The following ARHGAP23 variants were observed in gnomAD, a reference collection of about 807,000 sequenced individuals.
ARHGAP23 encodes rho GTPase-activating protein 23.
In ARHGAP23, 34 loss-of-function variants were observed where a neutral mutation model predicts 136.3. The ratio of observed to expected loss-of-function variants is 0.25; its 90% confidence interval spans 0.19 to 0.33. The LOEUF is 0.33. Among genes scored for constraint, ARHGAP23 ranks in the 10% least tolerant of loss-of-function variants. ARHGAP23 has a pLI of 1.00. For synonymous variants in ARHGAP23, 832 were observed against 920.5 expected (o/e 0.90, Z 1.74); for missense variants, 1,808 against 2,139.0 (o/e 0.85, Z 3.05).
chr17:38,442,828 T>C (rs1387967358), intron 1 of ARHGAP23, among the ~76,000 whole-genome samples: 2 of 152,138 alleles, frequency 1.3e-5, no homozygotes, highest in Admixed American at 1.3e-4. Flanking sequence ...GGCCTGGTGG[T>C]CATAATATTA....
At chr17:38,496,458 C>T (rs773934401) in intron 20 of ARHGAP23, among the ~76,000 whole-genome samples, 2 of 152,010 alleles carry the variant, frequency 1.3e-5, no homozygotes, top group African/African-American at 2.4e-5. Context: ...TGGATAACAG[C>T]GAGAGACCCT....
At chr17:38,501,660 G>T (rs534643413) in intron 23 of ARHGAP23, among the ~76,000 whole-genome samples, 1 of 151,916 alleles carries the variant, frequency 6.6e-6, no homozygotes, top group African/African-American at 2.4e-5. Context: ...CAATAACTTA[G>T]GTGAAATAGA....
rs866253771 is a variant in ARHGAP23, at chr17:38,510,357, G to T, written c.3861G>T (p.Thr1287=). 8.0e-7 allele frequency: 1 copy of T among 1,248,408 alleles called. No individual in the cohort carries two copies. The highest frequency in any genetic ancestry group is 1.0e-6 in the Non-Finnish European group (1 of 997,766). 77.3% of individuals were successfully genotyped at this position (1,248,408 alleles called of 1,614,324 possible). A position where few individuals can be genotyped will look rare whatever the true frequency, so the allele number is the denominator to read the frequency against. The part of the protein sequence containing the change: ...DERSELSHVE[T]DTEGAAGAGP... ...GTAGCGAGCTGAGCCACGTGGAGAC[G>T]GACACTGAGGGCGCGGCGGGCGCGG... The change falls in exon 24 of 24, where the codon ACG becomes ACT. Residue 1287 remains threonine, a synonymous_variant. Coordinates refer to ENST00000622683, the MANE Select transcript of ARHGAP23 (RefSeq NM_001199417.2). This position sits in a 1 kb window ranked among gnomAD's most constrained non-coding sequence, Gnocchi z 4.6.
intron 22 of ARHGAP23, 69 bp from the exon 23 acceptor site, chr17:38,500,528 T>C (rs1236599672): frequency 1.5e-6 from 2 of 1,371,870 alleles, no homozygotes; most frequent in Non-Finnish European, 2.0e-6. Flanking sequence ...GAGGGAATTG[T>C]GTGCATAAGA....
chr17:38,465,018 C>T (rs1287825386), intron 6 of ARHGAP23, among the ~76,000 whole-genome samples: 1 of 151,316 alleles, frequency 6.6e-6, no homozygotes, highest in Non-Finnish European at 1.5e-5. Context: ...GAGGGGGAGC[C>T]GCAGGGAGGG....
intron 12 of ARHGAP23, among the ~76,000 whole-genome samples, chr17:38,478,417 A>AT (rs33967787): frequency 0.36 from 51,714 of 144,988 alleles, 11,493 homozygotes; most frequent in African/African-American, 0.64. Context: ...TTTTGGGATA[A>AT]TTTTTTTTTT....
chr17:38,510,134 C>T lies in ARHGAP23; in HGVS notation c.3638C>T (p.Pro1213Leu). The change falls in exon 24 of 24, where the codon CCG becomes CTG. Residue 1213 changes from proline (P) to leucine (L), a missense_variant. Coordinates refer to ENST00000622683, the MANE Select transcript of ARHGAP23 (RefSeq NM_001199417.2). This position sits in a 1 kb window ranked among gnomAD's most constrained non-coding sequence, Gnocchi z 4.6. ...GATAPGTQER[P>L]QGPLPGAVAP... ...ACAGCGCCGGGGACTCAGGAGCGGC[C>T]GCAGGGGCCGCTGCCTGGCGCCGTC... The T allele has an allele frequency of 7.9e-7, 1 of 1,268,024 alleles. No individual in the cohort carries two copies. Among genetic ancestry groups the T allele is most frequent in the Non-Finnish European group, 9.9e-7 (1 of 1,013,496 alleles). 78.5% of individuals were successfully genotyped at this position (1,268,024 alleles called of 1,614,324 possible). A position where few individuals can be genotyped will look rare whatever the true frequency, so the allele number is the denominator to read the frequency against.
At chr17:38,419,826 G>A (rs1053010339) in intron 1 of ARHGAP23, among the ~76,000 whole-genome samples, 3 of 152,116 alleles carry the variant, frequency 2.0e-5, no homozygotes, top group Admixed American at 6.5e-5. Flanking sequence ...CTACTGGTTC[G>A]TTGACCCCCA....
intron 1 of ARHGAP23, among the ~76,000 whole-genome samples, chr17:38,439,236 A>AC (rs1283346092): frequency 1.3e-5 from 2 of 151,426 alleles, no homozygotes; most frequent in Non-Finnish European, 2.9e-5. Flanking sequence ...AACTTGCTGT[A>AC]CCGTCTCTTT....
chr17:38,495,875 A>G (rs2040380848), intron 20 of ARHGAP23, among the ~76,000 whole-genome samples: 1 of 151,132 alleles, frequency 6.6e-6, no homozygotes, highest in Admixed American at 6.7e-5. Flanking sequence ...TGAGGGGGGT[A>G]AAGGGTAATT....
intron 10 of ARHGAP23, 46 bp downstream of exon 10, chr17:38,469,950 G>T: frequency 6.5e-7 from 1 of 1,546,636 alleles, no homozygotes; most frequent in Non-Finnish European, 8.7e-7. Flanking sequence ...GAGGGTGTGG[G>T]GAGAGAGGGT....
intron 3 of ARHGAP23, 32 bp from the exon 4 acceptor site, chr17:38,462,814 C>T (rs530210096): frequency 1.4e-5 from 21 of 1,461,360 alleles, no homozygotes; most frequent in Middle Eastern, 1.8e-4. Flanking sequence ...CTTCCCCAGC[C>T]ACCCCCAGCT....
rs2039381361 is a variant in ARHGAP23 at position 38,458,376 on chromosome 17, C to T, written c.225+113C>T. On this transcript the variant is annotated intron_variant, in intron 2 of 23. Transcript: ENST00000622683. ...CACCCTCTCAGAGAGGCAGTCCTTC[C>T]TGGGGTCCGGCCTGACTCCCTTCTG... The T allele has an allele frequency of 3.1e-5, 42 of 1,368,600 alleles. No homozygotes were observed. The South Asian group carries it at 5.9e-4, about 19-fold the overall frequency. 84.8% of individuals were successfully genotyped at this position (1,368,600 alleles called of 1,614,324 possible). A position where few individuals can be genotyped will look rare whatever the true frequency, so the allele number is the denominator to read the frequency against.
chr17:38,475,515 A>C (rs922432527), intron 11 of ARHGAP23, among the ~76,000 whole-genome samples: 1 of 152,154 alleles, frequency 6.6e-6, no homozygotes, highest in Non-Finnish European at 1.5e-5. Context: ...CTCAGGATCC[A>C]CACGATGGGA....
Position 38,509,833 on chromosome 17 carries a change from C to T in ARHGAP23, c.3448-111C>T, listed in dbSNP as rs555617344. The T allele has an allele frequency of 1.3e-5, 11 of 870,482 alleles. No homozygotes were observed. The South Asian group carries it at 4.1e-4, about 32-fold the overall frequency. The allele number at this position is 870,482 out of a possible 1,614,324, so 53.9% of individuals were successfully genotyped here. ...ATGCGGCCGTGGGTGCTGGCCTTGG[C>T]TGGGGCTTGTGGCGACTGGGTGCCG... On this transcript the variant is annotated intron_variant, in intron 23 of 23. Coordinates refer to ENST00000622683, the MANE Select transcript of ARHGAP23 (RefSeq NM_001199417.2).
chr17:38,437,037 G>A (rs527429389), intron 1 of ARHGAP23, among the ~76,000 whole-genome samples: 2 of 152,076 alleles, frequency 1.3e-5, no homozygotes, highest in Non-Finnish European at 2.9e-5. Context: ...TTCAAGTGCC[G>A]TCATAAAGGG....
Position 38,458,381 on chromosome 17 carries a change from G to T in ARHGAP23, c.225+118G>T, listed in dbSNP as rs1466755875. ...TCTCAGAGAGGCAGTCCTTCCTGGG[G>T]TCCGGCCTGACTCCCTTCTGCTGTG... is the stretch of plus-strand genomic sequence containing the variant. On this transcript the variant is annotated intron_variant, in intron 2 of 23. Transcript: ENST00000622683. 7 of 1,345,388 alleles carry T rather than the reference G, an allele frequency of 5.2e-6. No homozygotes were observed. The East Asian group carries it at 1.6e-4, about 30-fold the overall frequency. 83.3% of individuals were successfully genotyped at this position (1,345,388 alleles called of 1,614,324 possible).
At position 38,443,751 on chromosome 17, in the gene ARHGAP23, GC is replaced by G. The variant is rs2038969977; in HGVS notation, c.64-14346del. Among the ~76,000 whole-genome samples, 4 of 152,148 alleles carry G rather than the reference GC, an allele frequency of 2.6e-5. No homozygotes were observed. In the South Asian group the frequency reaches 8.3e-4, roughly 32 times the overall value. On this transcript the variant is annotated intron_variant, in intron 1 of 23. Coordinates refer to ENST00000622683, the MANE Select transcript of ARHGAP23 (RefSeq NM_001199417.2). ...CCTCTCCCTGAAGGGAGCCCCATGT[GC>G]CCCCGGGAGACTTTCGGAATCTGCT...
chr17:38,510,125 A>G lies in ARHGAP23; in HGVS notation c.3629A>G (p.Gln1210Arg), dbSNP rs1404974228. 3 of 1,266,094 alleles carry G rather than the reference A, an allele frequency of 2.4e-6. No individual in the cohort carries two copies. Among genetic ancestry groups the G allele is most frequent in the Non-Finnish European group, 3.0e-6 (3 of 1,012,336 alleles). 78.4% of individuals were successfully genotyped at this position (1,266,094 alleles called of 1,614,324 possible). ...PGAGATAPGT[Q>R]ERPQGPLPGA... ...GCGGGGGCCACAGCGCCGGGGACTCAGGAGCGGCCGCAGGGGCCGCTGCCT... is the reference window on the plus strand; with the variant it reads ...GCGGGGGCCACAGCGCCGGGGACTCGGGAGCGGCCGCAGGGGCCGCTGCCT... Residue 1210 changes from glutamine (Q) to arginine (R), a missense_variant, in exon 24 of 24, where the codon CAG becomes CGG. By Grantham distance (43) the Gln-to-Arg change is conservative. Transcript: ENST00000622683. This position sits in a 1 kb window ranked among gnomAD's most constrained non-coding sequence, Gnocchi z 4.6.
Sources: allele counts gnomAD v4.1 joint callset (sites outside exome capture counted in the v4.1 genomes callset), GRCh38; gene constraint gnomAD v4.1.1; non-coding constraint Gnocchi (gnomAD v3.1); transcripts MANE v1.5; gene names NCBI Gene and HGNC (gene_info 2026-07-23, HGNC 2026-07-21).